FGF14: variants seen among roughly 807,000 people sequenced by gnomAD.
The protein encoded by FGF14 is fibroblast growth factor homologous factor 4.
In FGF14, 5 loss-of-function variants were observed where a neutral mutation model predicts 25.5. The observed-to-expected ratio is 0.20, with a 90% confidence interval of 0.10 to 0.41. The LOEUF is 0.41. Ranked by LOEUF, FGF14 falls within the 10% of genes least tolerant of loss-of-function variation. FGF14 has a pLI of 1.00. For synonymous variants in FGF14, 138 were observed against 118.3 expected, an observed-to-expected ratio of 1.17 and a Z score of -1.08; for missense variants, 222 against 320.1, an observed-to-expected ratio of 0.69 and a Z score of 2.34.
At chr13:101,806,465 A>C (rs564142668) in intron 3 of FGF14, among the ~76,000 whole-genome samples, 22 of 151,636 alleles carry the variant, frequency 1.5e-4, no homozygotes, top group African/African-American at 4.8e-4. Context: ...GTATATGTAC[A>C]TTGAGAAAAT....
intron 1 of FGF14, among the ~76,000 whole-genome samples, chr13:101,942,235 A>T (rs994555599): frequency 6.6e-6 from 1 of 152,198 alleles, no homozygotes; most frequent in African/African-American, 2.4e-5. Flanking sequence ...CCAGCAGTGG[A>T]CACTGTTACT....
chr13:102,229,287 T>C (rs1413901678), intron 1 of FGF14, among the ~76,000 whole-genome samples: 1 of 152,214 alleles, frequency 6.6e-6, no homozygotes, highest in Non-Finnish European at 1.5e-5. Flanking sequence ...TAATAACTAA[T>C]GTTTACTTAG....
intron 1 of FGF14, among the ~76,000 whole-genome samples, chr13:102,317,407 T>G (rs765514492): frequency 2.0e-5 from 3 of 152,126 alleles, no homozygotes; most frequent in Admixed American, 1.3e-4. Flanking sequence ...AATATATATA[T>G]AGATATTATG....
chr13:101,723,336 T>G (rs1197545028), intron 4 of FGF14, among the ~76,000 whole-genome samples: 1 of 151,704 alleles, frequency 6.6e-6, no homozygotes, highest in Non-Finnish European at 1.5e-5. Flanking sequence ...AAAAGAAAAC[T>G]CAGACATCCC....
chr13:102,011,774 G>T (rs1222654993), intron 1 of FGF14, among the ~76,000 whole-genome samples: 1 of 152,172 alleles, frequency 6.6e-6, no homozygotes, highest in Non-Finnish European at 1.5e-5. Context: ...AGCTCTCAGA[G>T]TGTTCTCTGC....
chr13:102,300,815 T>G (rs1393258323), intron 1 of FGF14, among the ~76,000 whole-genome samples: 6 of 151,946 alleles, frequency 3.9e-5, no homozygotes, highest in African/African-American at 1.2e-4. Flanking sequence ...TAATCACACA[T>G]GAGAGGATTT....
At chr13:102,200,146 C>A (rs915953879) in intron 1 of FGF14, among the ~76,000 whole-genome samples, 1 of 152,142 alleles carries the variant, frequency 6.6e-6, no homozygotes, top group African/African-American at 2.4e-5. Flanking sequence ...CACACACACA[C>A]ATATATGCAC....
chr13:102,387,163 A>C (rs899895201), intron 1 of FGF14, among the ~76,000 whole-genome samples: 2 of 152,250 alleles, frequency 1.3e-5, no homozygotes, highest in African/African-American at 4.8e-5. Context: ...AAATTTGAAT[A>C]GCCATTGAGA....
At chr13:102,334,591 T>C (rs2056735096) in intron 1 of FGF14, among the ~76,000 whole-genome samples, 1 of 152,172 alleles carries the variant, frequency 6.6e-6, no homozygotes, top group Non-Finnish European at 1.5e-5. Context: ...AGATTTATGA[T>C]CTATTACAAA....
intron 1 of FGF14, among the ~76,000 whole-genome samples, chr13:102,175,816 AT>A (rs1405648394): frequency 7.9e-5 from 12 of 152,208 alleles, no homozygotes; most frequent in Non-Finnish European, 1.2e-4. Flanking sequence ...CATGAAAAAA[AT>A]GTTTAATATC....
chr13:102,302,936 AC>A (rs2055150865), intron 1 of FGF14, among the ~76,000 whole-genome samples: 1 of 152,006 alleles, frequency 6.6e-6, no homozygotes, highest in South Asian at 2.1e-4. Context: ...CCACTCCTTC[AC>A]TCAAAACCCT....
intron 1 of FGF14, among the ~76,000 whole-genome samples, chr13:102,228,624 T>G (rs1170229168): frequency 6.6e-6 from 1 of 152,318 alleles, no homozygotes; most frequent in East Asian, 1.9e-4. Context: ...TTGTTAACAT[T>G]ATCTAGTTTC....
intron 1 of FGF14, among the ~76,000 whole-genome samples, chr13:102,099,471 G>T (rs1196372980): frequency 6.6e-6 from 1 of 151,958 alleles, no homozygotes; most frequent in African/African-American, 2.4e-5. Flanking sequence ...AACAAAATAG[G>T]ACCAATTTAT....
chr13:102,079,829 G>A (rs918256127), intron 1 of FGF14, among the ~76,000 whole-genome samples: 5 of 152,090 alleles, frequency 3.3e-5, no homozygotes, highest in African/African-American at 1.2e-4. Context: ...GTGTGCCAGG[G>A]AAAAAGCCTC....
At chr13:101,769,579 A>G (rs1355879741) in intron 3 of FGF14, among the ~76,000 whole-genome samples, 2 of 152,174 alleles carry the variant, frequency 1.3e-5, no homozygotes, top group Non-Finnish European at 2.9e-5. Context: ...AGGCAAATGG[A>G]TAGGTAAACT....
At chr13:102,374,463 C>A (rs1202158611) in intron 1 of FGF14, among the ~76,000 whole-genome samples, 1 of 151,266 alleles carries the variant, frequency 6.6e-6, no homozygotes, top group Non-Finnish European at 1.5e-5. Context: ...AGTCTAAGTG[C>A]ATGATGGTTC....
chr13:102,216,742 C>G (rs1374417079), intron 1 of FGF14, among the ~76,000 whole-genome samples: 2 of 133,048 alleles, frequency 1.5e-5, no homozygotes, highest in African/African-American at 6.4e-5. Flanking sequence ...CAATAGACCA[C>G]CAGAACTTAT....
At chr13:101,890,713 G>A (rs774274047) in intron 1 of FGF14, among the ~76,000 whole-genome samples, 3 of 152,120 alleles carry the variant, frequency 2.0e-5, no homozygotes, top group Non-Finnish European at 4.4e-5. Context: ...CTGTAGCTGC[G>A]CATTACCTTG....
intron 3 of FGF14, among the ~76,000 whole-genome samples, chr13:101,851,482 C>G (rs1271026636): frequency 6.6e-6 from 1 of 152,054 alleles, no homozygotes; most frequent in East Asian, 1.9e-4. Flanking sequence ...GCAGTCCTAG[C>G]AAACTCCTAC....
Sources: gnomAD v4.1 joint callset for allele counts (sites outside exome capture counted in the v4.1 genomes callset) on GRCh38, gnomAD v4.1.1 for gene constraint, MANE v1.5 for transcripts, NCBI Gene and HGNC (gene_info 2026-07-23, HGNC 2026-07-21) for gene names.